The following CHCHD6 variants were observed in gnomAD, a reference collection of about 807,000 sequenced individuals.
CHCHD6 encodes the protein coiled-coil-helix-coiled-coil-helix domain containing 6, also known as MICOS complex subunit MIC25.
CHCHD6 carries 28 observed loss-of-function variants against 32.3 expected under a neutral mutation model. The observed-to-expected ratio is 0.87, with a 90% confidence interval of 0.64 to 1.19. The LOEUF (loss-of-function observed/expected upper bound fraction) is 1.19. Ranked by LOEUF, CHCHD6 falls within the 50% of genes most tolerant of loss-of-function variation. CHCHD6 has a pLI of 0.00. For missense variants in CHCHD6, 333 were observed against 307.0 expected, an observed-to-expected ratio of 1.08 and a Z score of -0.63; for synonymous variants, 122 against 117.5, an observed-to-expected ratio of 1.04 and a Z score of -0.25.
rs1325216848 is a variant in CHCHD6, at chr3:126,871,029, CAGGAG to C, written c.495+18301_495+18305del. On this transcript the variant is annotated intron_variant, in intron 5 of 7. Transcript: ENST00000290913. ...GCGCTGAGCTGTGATTCATCTGGGT[CAGGAG>C]ATTTGGATTCATTTAGTGTGACTGG... Among the ~76,000 whole-genome samples, 8 of 152,314 alleles carry C rather than the reference CAGGAG, an allele frequency of 5.3e-5. 1 individual carries two copies. The South Asian group carries it at 8.3e-4, about 16-fold the overall frequency.
intron 1 of CHCHD6, among the ~76,000 whole-genome samples, chr3:126,709,685 T>G (rs1934664771): frequency 6.6e-6 from 1 of 152,246 alleles, no homozygotes; most frequent in African/African-American, 2.4e-5. Context: ...TTCTAGCAAT[T>G]CTAGTGGCTG....
chr3:126,788,273 G>C (rs1229808645), intron 4 of CHCHD6, among the ~76,000 whole-genome samples: 1 of 152,154 alleles, frequency 6.6e-6, no homozygotes, highest in Non-Finnish European at 1.5e-5. Context: ...CAGGGATATT[G>C]GTCTAAAATT....
chr3:126,819,921 G>A (rs1940079251), intron 4 of CHCHD6, among the ~76,000 whole-genome samples: 1 of 152,244 alleles, frequency 6.6e-6, no homozygotes, highest in Non-Finnish European at 1.5e-5. Flanking sequence ...AGCCTGGGAG[G>A]CTTTTGTCTG....
chr3:126,887,092 G>A (rs2077689256), intron 5 of CHCHD6, among the ~76,000 whole-genome samples: 4 of 152,162 alleles, frequency 2.6e-5, no homozygotes, highest in Admixed American at 2.6e-4. Context: ...TGTGCTGTGT[G>A]TTTGAGCTTT....
chr3:126,730,773 G>A (rs1158972491), intron 3 of CHCHD6, 143 bp downstream of exon 3: 2 of 624,394 alleles, frequency 3.2e-6, no homozygotes, highest in African/African-American at 3.7e-5. Flanking sequence ...ACAACCCTAT[G>A]GTATAGGTAT....
rs116823327 is a variant in CHCHD6, at chr3:126,886,727, G to T, written c.496-27953G>T. ...GAAGGAAGAAGCAATGTACTGCTGGGGTCCTGGTCTCCTACCTCCTTGGAA... is the reference window on the plus strand; with the variant it reads ...GAAGGAAGAAGCAATGTACTGCTGGTGTCCTGGTCTCCTACCTCCTTGGAA... On this transcript the variant is annotated intron_variant, in intron 5 of 7. Transcript: ENST00000290913. Among the ~76,000 whole-genome samples, 934 of 152,274 alleles carry T rather than the reference G, an allele frequency of 6.1e-3. 9 individuals carry two copies. Among genetic ancestry groups the T allele is most frequent in the African/African-American group, 0.021 (893 of 41,546 alleles).
At chr3:126,841,673 A>G (rs1481797439) in intron 4 of CHCHD6, among the ~76,000 whole-genome samples, 2 of 152,078 alleles carry the variant, frequency 1.3e-5, no homozygotes, top group Middle Eastern at 3.2e-3. Context: ...TGGGAGGCCA[A>G]GGTGGGAGGA....
At chr3:126,706,397 C>T (rs527779266) in intron 1 of CHCHD6, among the ~76,000 whole-genome samples, 16 of 152,244 alleles carry the variant, frequency 1.1e-4, no homozygotes, top group East Asian at 5.8e-4. Flanking sequence ...AAGATCTTTT[C>T]GGTGCAAAAA....
At chr3:126,737,875 A>C (rs1576356337) in intron 4 of CHCHD6, among the ~76,000 whole-genome samples, 1 of 152,040 alleles carries the variant, frequency 6.6e-6, no homozygotes, top group African/African-American at 2.4e-5. Flanking sequence ...TTGTGGAACG[A>C]CATCCTGAAA....
intron 4 of CHCHD6, among the ~76,000 whole-genome samples, chr3:126,797,991 A>C (rs1938875337): frequency 1.3e-5 from 2 of 152,218 alleles, no homozygotes; most frequent in Admixed American, 1.3e-4. Flanking sequence ...TTTCCTTCCC[A>C]GGCCTTGTGC....
At chr3:126,727,522 C>G (rs537797818) in intron 2 of CHCHD6, among the ~76,000 whole-genome samples, 4 of 152,354 alleles carry the variant, frequency 2.6e-5, no homozygotes, top group South Asian at 2.1e-4. Flanking sequence ...TTCAGCCACT[C>G]TAGCCTAACT....
At chr3:126,849,162 T>C (rs533555036) in intron 4 of CHCHD6, among the ~76,000 whole-genome samples, 87 of 152,368 alleles carry the variant, frequency 5.7e-4, no homozygotes, top group Admixed American at 9.1e-4. Flanking sequence ...GTTTTTTATA[T>C]CAGCTTCTTA....
At position 126,839,987 on chromosome 3, in the gene CHCHD6, C is replaced by T. The variant is rs9853184; in HGVS notation, c.412-12660C>T. 4.0e-3 allele frequency among the ~76,000 whole-genome samples: 604 copies of T among 152,302 alleles called. 3 individuals are homozygous for T. Among genetic ancestry groups the T allele is most frequent in the African/African-American group, 0.014 (585 of 41,544 alleles). On this transcript the variant is annotated intron_variant, in intron 4 of 7. Coordinates refer to ENST00000290913, the MANE Select transcript of CHCHD6 (RefSeq NM_032343.3). ...CCCTGCCTCGGCCCCCAGGTCTTGG[C>T]AAGCACTCATCTGTTTTCTATCTCT... is the stretch of plus-strand genomic sequence containing the variant.
intron 5 of CHCHD6, among the ~76,000 whole-genome samples, chr3:126,866,762 T>C (rs537335789): frequency 6.6e-6 from 1 of 152,336 alleles, no homozygotes; most frequent in South Asian, 2.1e-4. Flanking sequence ...CTCTGCCTTT[T>C]TTCTTTTGTT....
intron 5 of CHCHD6, chr3:126,865,537 T>C (rs1385774464): frequency 1.0e-6 from 1 of 983,610 alleles, no homozygotes; most frequent in Non-Finnish European, 1.2e-6. Flanking sequence ...CATAACCTCC[T>C]CCTCCACGTC....
intron 6 of CHCHD6, among the ~76,000 whole-genome samples, chr3:126,951,151 A>C (rs1236428776): frequency 6.6e-6 from 1 of 152,150 alleles, no homozygotes; most frequent in Non-Finnish European, 1.5e-5. Context: ...TGATGATTTT[A>C]TAAGGGGCTC....
At chr3:126,958,633 C>T (rs2078819961) in intron 7 of CHCHD6, among the ~76,000 whole-genome samples, 1 of 152,236 alleles carries the variant, frequency 6.6e-6, no homozygotes, top group Admixed American at 6.5e-5. Flanking sequence ...CAGCCCCGTC[C>T]AGCACCGACT....
At chr3:126,902,716 CAAAAAA>C (rs748684166) in intron 5 of CHCHD6, among the ~76,000 whole-genome samples, 1 of 95,618 alleles carries the variant, frequency 1.0e-5, no homozygotes, top group South Asian at 3.5e-4. Context: ...GACTCCATCT[CAAAAAA>C]AAAAAAAAAA....
At chr3:126,842,251 G>C (rs1289110400) in intron 4 of CHCHD6, among the ~76,000 whole-genome samples, 2 of 152,108 alleles carry the variant, frequency 1.3e-5, no homozygotes, top group Admixed American at 6.5e-5. Context: ...TTAAAAAAAA[G>C]AACTGTTTAA....
Sources: allele counts gnomAD v4.1 joint callset (sites outside exome capture counted in the v4.1 genomes callset), GRCh38; gene constraint gnomAD v4.1.1; transcripts MANE v1.5; gene names NCBI Gene and HGNC (gene_info 2026-07-23, HGNC 2026-07-21).